The following GPR158 variants were observed in gnomAD, a reference collection of about 807,000 sequenced individuals.
GPR158 encodes the protein metabotropic glycine receptor.
GPR158 carries 30 observed loss-of-function variants against 78.2 expected under a neutral mutation model. That is an observed-to-expected ratio of 0.38 (90% CI 0.29 to 0.52). The LOEUF (loss-of-function observed/expected upper bound fraction) is 0.52. Ranked by LOEUF, GPR158 falls within the 20% of genes least tolerant of loss-of-function variation. The pLI is 0.83. For synonymous variants in GPR158, 581 were observed against 591.1 expected, an observed-to-expected ratio of 0.98 and a Z score of 0.25; for missense variants, 1,463 against 1,523.5, an observed-to-expected ratio of 0.96 and a Z score of 0.66.
intron 4 of GPR158, among the ~76,000 whole-genome samples, chr10:25,437,423 A>G (rs1280483964): frequency 1.3e-5 from 2 of 151,882 alleles, no homozygotes; most frequent in African/African-American, 2.4e-5. Context: ...ACAGGGTTTC[A>G]CCATGTTGCC....
intron 1 of GPR158, among the ~76,000 whole-genome samples, chr10:25,188,628 T>G (rs1450085508): frequency 6.6e-6 from 1 of 152,080 alleles, no homozygotes; most frequent in Admixed American, 6.6e-5. Context: ...ATACAAAAAT[T>G]AATTCAAGAT....
chr10:25,275,819 T>C (rs1413402), intron 2 of GPR158, among the ~76,000 whole-genome samples: 68,866 of 152,022 alleles, frequency 0.45, 16,713 homozygotes, highest in East Asian at 0.56. Context: ...GATAGGTTTT[T>C]TGGTTTGTTC....
intron 2 of GPR158, among the ~76,000 whole-genome samples, chr10:25,290,368 A>G (rs1344436072): frequency 6.6e-6 from 1 of 152,220 alleles, no homozygotes; most frequent in Non-Finnish European, 1.5e-5. Context: ...TTTAAGAAGA[A>G]AAGTATCCCG....
intron 7 of GPR158, among the ~76,000 whole-genome samples, chr10:25,578,284 C>T (rs72790307): frequency 9.9e-5 from 15 of 152,228 alleles, no homozygotes; most frequent in Non-Finnish European, 1.2e-4. Flanking sequence ...TCCCTGACAC[C>T]GACAGAGAAC....
chr10:25,443,041 C>T (rs1288335324), intron 4 of GPR158, among the ~76,000 whole-genome samples: 1 of 152,124 alleles, frequency 6.6e-6, no homozygotes, highest in Non-Finnish European at 1.5e-5. Flanking sequence ...TCATGGTTGA[C>T]ATGGACCCTT....
intron 2 of GPR158, among the ~76,000 whole-genome samples, chr10:25,226,314 C>T: frequency 6.6e-6 from 1 of 152,188 alleles, no homozygotes; most frequent in Non-Finnish European, 1.5e-5. Flanking sequence ...CAGTGGACTG[C>T]TCTGCCGTAG....
chr10:25,596,962 A>G (rs981909343), intron 10 of GPR158, among the ~76,000 whole-genome samples, 173 bp downstream of exon 10: 2 of 152,236 alleles, frequency 1.3e-5, no homozygotes, highest in African/African-American at 4.8e-5. Context: ...ATGCAGAGTT[A>G]ATCCAGTTCT....
At chr10:25,543,333 C>A (rs1836615443) in intron 5 of GPR158, among the ~76,000 whole-genome samples, 2 of 152,044 alleles carry the variant, frequency 1.3e-5, no homozygotes, top group Admixed American at 1.3e-4. Context: ...GTTGGCCAGG[C>A]TAGTCTCAAA....
At chr10:25,585,050 C>T (rs1174726252) in intron 7 of GPR158, among the ~76,000 whole-genome samples, 1 of 152,218 alleles carries the variant, frequency 6.6e-6, no homozygotes, top group African/African-American at 2.4e-5. Context: ...AACCAATCAG[C>T]TATTTGGCTG....
At chr10:25,371,382 G>A (rs1016358540) in intron 2 of GPR158, among the ~76,000 whole-genome samples, 11 of 151,534 alleles carry the variant, frequency 7.3e-5, no homozygotes, top group African/African-American at 2.7e-4. Flanking sequence ...AAAATCTAAA[G>A]AGCCCGCATC....
intron 2 of GPR158, among the ~76,000 whole-genome samples, chr10:25,232,699 A>C (rs1853465892): frequency 6.6e-6 from 1 of 152,176 alleles, no homozygotes; most frequent in Non-Finnish European, 1.5e-5. Flanking sequence ...TGATACAAGC[A>C]GAACATGAAG....
At chr10:25,401,767 A>G (rs530383831) in intron 3 of GPR158, among the ~76,000 whole-genome samples, 2 of 152,244 alleles carry the variant, frequency 1.3e-5, no homozygotes, top group East Asian at 3.9e-4. Context: ...AACTTCACTT[A>G]CCAACATAAT....
chr10:25,228,796 C>A (rs1199473089), intron 2 of GPR158, among the ~76,000 whole-genome samples: 1 of 151,992 alleles, frequency 6.6e-6, no homozygotes, highest in East Asian at 1.9e-4. Context: ...CTTTGGGAGG[C>A]CAAGGCAGAC....
At chr10:25,577,493 C>A (rs16926125) in intron 7 of GPR158, among the ~76,000 whole-genome samples, 173 of 152,232 alleles carry the variant, frequency 1.1e-3, no homozygotes, top group African/African-American at 4.0e-3. Flanking sequence ...CAGCTTTACC[C>A]GTCAAAAACA....
rs139573660 is a variant in GPR158 at position 25,253,362 on chromosome 10, G to C, written c.1008+32205G>C. ...CCCCCAATTTATTCTTTAGAATAAT[G>C]GGGGAGGTGTCCCTCTGAGCTAATT... On this transcript the variant is annotated intron_variant, in intron 2 of 10. Transcript: ENST00000376351. Among the ~76,000 whole-genome samples, 317 of 151,764 alleles carry C rather than the reference G, an allele frequency of 2.1e-3. 1 individual carries two copies. Among genetic ancestry groups the C allele is most frequent in the African/African-American group, 7.3e-3 (301 of 41,322 alleles).
chr10:25,560,259 T>G (rs1034883649), intron 6 of GPR158, among the ~76,000 whole-genome samples: 1 of 152,180 alleles, frequency 6.6e-6, no homozygotes, highest in African/African-American at 2.4e-5. Flanking sequence ...AATATTTTTA[T>G]TTTTCATTTT....
At chr10:25,351,903 C>T (rs1855478419) in intron 2 of GPR158, among the ~76,000 whole-genome samples, 1 of 151,806 alleles carries the variant, frequency 6.6e-6, no homozygotes, top group Non-Finnish European at 1.5e-5. Flanking sequence ...GCTCCTCCCA[C>T]TCCAACCCTC....
chr10:25,424,517 G>T (rs1006851038), intron 4 of GPR158, among the ~76,000 whole-genome samples: 3 of 151,190 alleles, frequency 2.0e-5, no homozygotes, highest in African/African-American at 7.3e-5. Context: ...ATGGTTTTAG[G>T]TCTAACATTT....
intron 5 of GPR158, among the ~76,000 whole-genome samples, chr10:25,470,968 T>A (rs1007252080): frequency 6.6e-6 from 1 of 152,130 alleles, no homozygotes; most frequent in Non-Finnish European, 1.5e-5. Flanking sequence ...TTTTTTTAAT[T>A]ATTATTATAC....
Sources: gnomAD v4.1 joint callset for allele counts (sites outside exome capture counted in the v4.1 genomes callset) on GRCh38, gnomAD v4.1.1 for gene constraint, MANE v1.5 for transcripts, NCBI Gene and HGNC (gene_info 2026-07-23, HGNC 2026-07-21) for gene names.